Variants in ALG9 observed in about 807,000 individuals in gnomAD.
ALG9 encodes the protein ALG9 alpha-1,2-mannosyltransferase, also known as alpha-1,2-mannosyltransferase ALG9.
In ALG9, 55 loss-of-function variants were observed where a neutral mutation model predicts 81.8. The observed-to-expected ratio is 0.67, with a 90% CI of 0.54 to 0.84. The LOEUF is 0.84. Ranked by LOEUF, ALG9 falls within the 40% of genes least tolerant of loss-of-function variation. ALG9 has a pLI of 0.00. For missense variants in ALG9, 629 were observed against 745.0 expected, an observed-to-expected ratio of 0.84 and a Z score of 1.81; for synonymous variants, 278 against 274.3, an observed-to-expected ratio of 1.01 and a Z score of -0.13.
At chr11:111,810,132 G>T (rs1950501315) in intron 13 of ALG9, among the ~76,000 whole-genome samples, 1 of 152,082 alleles carries the variant, frequency 6.6e-6, no homozygotes, top group South Asian at 2.1e-4. Context: ...TTATTCCACA[G>T]ACTCAAAGGG....
At position 111,857,668 on chromosome 11, in the gene ALG9, G is replaced by T; in HGVS notation, c.635C>A (p.Thr212Asn). Reference protein sequence around the residue: ...IAMTGWYMDKTSIAVLGVAAG... With the variant: ...IAMTGWYMDKNSIAVLGVAAG... ...TGCTACTCCCAGCACAGCAATGGAAGTCTTGTCCATATACCATCCAGTCAT... is the reference window on the plus strand; with the variant it reads ...TGCTACTCCCAGCACAGCAATGGAATTCTTGTCCATATACCATCCAGTCAT... Residue 212 changes from threonine (T) to asparagine (N), a missense_variant, in exon 6 of 15, where the codon ACT (threonine) becomes AAT (asparagine). Around this residue, in one of 3 missense-constraint regions of ALG9, gnomAD observed 344 missense variants for 390.5 expected, o/e 0.88. Coordinates refer to ENST00000616540, the MANE Select transcript of ALG9 (RefSeq NM_024740.2). 5 of 1,614,206 alleles carry T rather than the reference G, an allele frequency of 3.1e-6. No homozygotes were observed. Among genetic ancestry groups the T allele is most frequent in the Non-Finnish European group, 4.2e-6 (5 of 1,180,030 alleles).
At chr11:111,827,456 G>A (rs1367565623) in intron 13 of ALG9, among the ~76,000 whole-genome samples, 1 of 151,546 alleles carries the variant, frequency 6.6e-6, no homozygotes, top group Non-Finnish European at 1.5e-5. Context: ...AGTCTCAAAA[G>A]AAGGAGATTA....
intron 13 of ALG9, among the ~76,000 whole-genome samples, chr11:111,831,822 G>T (rs1954424069): frequency 6.6e-6 from 1 of 152,154 alleles, no homozygotes; most frequent in African/African-American, 2.4e-5. Flanking sequence ...AGAATATTTT[G>T]AACTGATATA....
At chr11:111,842,078 G>A (rs1417271828) in intron 9 of ALG9, among the ~76,000 whole-genome samples, 4 of 152,022 alleles carry the variant, frequency 2.6e-5, no homozygotes, top group African/African-American at 7.2e-5. Flanking sequence ...TGTATTTTTA[G>A]TGGAGATGGG....
In ALG9 at chr11:111,834,761, A is replaced by G. The variant is rs571732934; in HGVS notation, c.1602+1404T>C. Reference sequence around the variant, plus strand: ...GTATTTTCCCACCCTTTGACTGTCCAGCTTCTCTAGAATGATGCCCTGCAC... The same window carrying G: ...GTATTTTCCCACCCTTTGACTGTCCGGCTTCTCTAGAATGATGCCCTGCAC... On this transcript the variant is annotated intron_variant, in intron 13 of 14. Coordinates refer to ENST00000616540, the MANE Select transcript of ALG9 (RefSeq NM_024740.2). 2.7e-4 allele frequency among the ~76,000 whole-genome samples: 41 copies of G among 152,326 alleles called. No individual in the cohort carries two copies. The South Asian group carries it at 4.8e-3, about 18-fold the overall frequency.
chr11:111,823,019 T>G (rs782522331), intron 13 of ALG9, among the ~76,000 whole-genome samples: 2 of 152,182 alleles, frequency 1.3e-5, no homozygotes, highest in Non-Finnish European at 2.9e-5. Context: ...ACTGAAACTC[T>G]GTCTCAAAAA....
chr11:111,781,937 C>T (rs1354067160), downstream of ALG9, among the ~76,000 whole-genome samples: 4 of 152,358 alleles, frequency 2.6e-5, no homozygotes, highest in Admixed American at 1.3e-4. Flanking sequence ...TGAGCCACTA[C>T]GCCTGGCCCA....
intron 13 of ALG9, among the ~76,000 whole-genome samples, chr11:111,820,643 T>A (rs1555102460): frequency 6.6e-6 from 1 of 152,194 alleles, no homozygotes; most frequent in Non-Finnish European, 1.5e-5. Flanking sequence ...AATTCCCAAT[T>A]GGTATTTCTT....
intron 9 of ALG9, among the ~76,000 whole-genome samples, chr11:111,842,032 G>A (rs1238016945): frequency 6.6e-6 from 1 of 152,146 alleles, no homozygotes; most frequent in Non-Finnish European, 1.5e-5. Flanking sequence ...TAGTAGCTGG[G>A]ATTACAGGCA....
chr11:111,838,144 G>A, intron 11 of ALG9, 105 bp downstream of exon 11: 1 of 1,337,802 alleles, frequency 7.5e-7, no homozygotes, highest in South Asian at 1.3e-5. Context: ...TTTTAGAAAT[G>A]GCTTCTTAGT....
chr11:111,869,327 A>G (rs990668498), intron 2 of ALG9, among the ~76,000 whole-genome samples: 4 of 152,196 alleles, frequency 2.6e-5, no homozygotes, highest in Admixed American at 2.0e-4. Flanking sequence ...TTAATTCAAA[A>G]TGTGATCAGA....
chr11:111,773,660 G>C, the ALG9 span, among the ~76,000 whole-genome samples: 1 of 151,984 alleles, frequency 6.6e-6, no homozygotes, highest in African/African-American at 2.4e-5. Context: ...ATCTTGCCAG[G>C]GGCCTATATA....
intron 13 of ALG9, among the ~76,000 whole-genome samples, chr11:111,823,281 G>A (rs926770012): frequency 7.9e-5 from 12 of 152,128 alleles, no homozygotes; most frequent in African/African-American, 2.9e-4. Context: ...GAAAGCAACT[G>A]TAGAGAAAGC....
intron 14 of ALG9, 96 bp from the exon 15 acceptor site, chr11:111,786,616 A>C: frequency 7.4e-7 from 1 of 1,343,238 alleles, no homozygotes; most frequent in South Asian, 1.3e-5. Context: ...ATCTGTAGTA[A>C]GGATTATATT....
At chr11:111,870,418 G>A (rs1022506056) in intron 1 of ALG9, 48 bp from the exon 2 acceptor site, 15 of 1,490,242 alleles carry the variant, frequency 1.0e-5, no homozygotes, top group African/African-American at 5.8e-5. Context: ...TGTCAGGAAG[G>A]ACCTGCTAAT....
intron 8 of ALG9, 106 bp from the exon 9 acceptor site, chr11:111,844,829 C>A: frequency 6.3e-6 from 8 of 1,277,062 alleles, no homozygotes; most frequent in Non-Finnish European, 9.0e-6. Context: ...TGATCCTATG[C>A]CTCATGGGAA....
intron 14 of ALG9, among the ~76,000 whole-genome samples, chr11:111,787,608 C>CA (rs1473696746): frequency 6.6e-6 from 1 of 151,462 alleles, no homozygotes; most frequent in Non-Finnish European, 1.5e-5. Flanking sequence ...AGGCACCCAC[C>CA]ACCACGACCG....
chr11:111,827,665 G>C (rs1258972224), intron 13 of ALG9, among the ~76,000 whole-genome samples: 5 of 151,602 alleles, frequency 3.3e-5, no homozygotes, highest in East Asian at 1.9e-4. Flanking sequence ...TCAGGAGTTC[G>C]AGACCAGGCT....
chr11:111,805,204 G>A (rs1307018882), intron 14 of ALG9: 1 of 455,494 alleles, frequency 2.2e-6, no homozygotes, highest in Non-Finnish European at 4.4e-6. Context: ...GAGCTAGCTT[G>A]TCTTCTTGCA....
Sources: allele counts gnomAD v4.1 joint callset (sites outside exome capture counted in the v4.1 genomes callset), GRCh38; gene constraint gnomAD v4.1.1; regional missense constraint gnomAD v4.1.1; transcripts MANE v1.5; gene names NCBI Gene and HGNC (gene_info 2026-07-23, HGNC 2026-07-21).